The following CYLC1 variants were observed in gnomAD, a reference collection of about 807,000 sequenced individuals.
CYLC1 encodes the protein cylicin-1.
In CYLC1, 2 loss-of-function variants were observed where a neutral mutation model predicts 31.6. The observed-to-expected ratio is 0.06, with a 90% CI of 0.03 to 0.20. CYLC1 has a LOEUF of 0.20. Ranked by LOEUF, CYLC1 falls within the 10% of genes least tolerant of loss-of-function variation. The probability of loss-of-function intolerance (pLI) is 1.00; values close to 1 mark genes in which losing one functional copy is unlikely to be tolerated. For missense variants in CYLC1, 595 were observed against 424.1 expected (o/e 1.40, Z -3.54); for synonymous variants, 185 against 153.0 (o/e 1.21, Z -1.54).
At chrX:83,865,433 A>T (rs1015031656) in intron 1 of CYLC1, among the ~76,000 whole-genome samples, 2 of 111,636 alleles carry the variant, frequency 1.8e-5, no homozygotes, top group Non-Finnish European at 3.8e-5. Context: ...AACCATTTTG[A>T]TCTCTTATTT....
At chrX:83,871,645 T>G in intron 3 of CYLC1, 75 bp downstream of exon 3, 13 of 947,594 alleles carry the variant, frequency 1.4e-5, no homozygotes, top group Non-Finnish European at 1.9e-5. Flanking sequence ...GTAAGGCCTA[T>G]ATAACTTGAA....
intron 4 of CYLC1, among the ~76,000 whole-genome samples, chrX:83,877,758 A>G (rs2031792099): frequency 9.8e-6 from 1 of 102,278 alleles, no homozygotes; most frequent in South Asian, 4.2e-4. Flanking sequence ...TGCATCATAC[A>G]TTATTTGGCT....
chrX:83,880,700 A>T (rs1323616815), intron 4 of CYLC1, among the ~76,000 whole-genome samples: 1 of 111,638 alleles, frequency 9.0e-6, no homozygotes, highest in East Asian at 2.8e-4. Flanking sequence ...TGAAACATGT[A>T]AGATGTTTAG....
At chrX:83,875,105 T>A (rs999867682) in intron 4 of CYLC1, among the ~76,000 whole-genome samples, 17 of 111,333 alleles carry the variant, frequency 1.5e-4, no homozygotes, top group Non-Finnish European at 3.2e-4. Context: ...TGCAAAAAAA[T>A]TAAATTATTT....
intron 4 of CYLC1, among the ~76,000 whole-genome samples, chrX:83,882,440 T>C (rs771775475): frequency 5.4e-5 from 6 of 111,167 alleles, no homozygotes; most frequent in Non-Finnish European, 1.1e-4. Context: ...AAAAGTGCTC[T>C]TTTAATAGTT....
At chrX:83,880,709 A>G (rs746983875) in intron 4 of CYLC1, among the ~76,000 whole-genome samples, 1 of 111,755 alleles carries the variant, frequency 8.9e-6, no homozygotes, top group East Asian at 2.8e-4. Context: ...TAAGATGTTT[A>G]GTATATTATC....
Position 83,874,250 on chromosome X carries a change from A to G in CYLC1, c.1542A>G (p.Arg514=), listed in dbSNP as rs2031725184. ...AGAAAGATATCAAGAAGGATGCAAG[A>G]AAGGACACAGAGTCTACTGATGCTG... ...GSKKDIKKDA[R]KDTESTDAEF... The change falls in exon 4 of 5, where the codon AGA becomes AGG. Residue 514 remains arginine, a synonymous_variant. Transcript: ENST00000329312. The G allele has an allele frequency of 9.1e-6, 11 of 1,208,005 alleles. No individual in the cohort carries two copies. The highest frequency in any genetic ancestry group is 1.2e-5 in the Non-Finnish European group (11 of 893,322).
At chrX:83,881,673 C>T (rs1602310466) in intron 4 of CYLC1, among the ~76,000 whole-genome samples, 1 of 108,282 alleles carries the variant, frequency 9.2e-6, no homozygotes, top group Admixed American at 1.0e-4. Context: ...GATCTTTGTA[C>T]AATATATAAT....
intron 1 of CYLC1, among the ~76,000 whole-genome samples, chrX:83,863,956 G>A (rs770165564): frequency 5.4e-5 from 6 of 111,724 alleles, no homozygotes; most frequent in African/African-American, 1.6e-4. Context: ...ACTCTGTTCC[G>A]TGCCTCTCTC....
chrX:83,870,867 T>A (rs905440981), intron 2 of CYLC1, among the ~76,000 whole-genome samples: 22 of 111,017 alleles, frequency 2.0e-4, no homozygotes, highest in African/African-American at 6.8e-4. Context: ...AGTATGTATA[T>A]GGCCTTCTTT....
At chrX:83,866,785 T>C (rs1290813044) in intron 1 of CYLC1, among the ~76,000 whole-genome samples, 1 of 111,531 alleles carries the variant, frequency 9.0e-6, no homozygotes, top group South Asian at 3.7e-4. Context: ...GCATTCTCTC[T>C]GGAGAACACT....
At chrX:83,864,146 C>A (rs1204010555) in intron 1 of CYLC1, among the ~76,000 whole-genome samples, 1 of 111,538 alleles carries the variant, frequency 9.0e-6, no homozygotes, top group Non-Finnish European at 1.9e-5. Context: ...CAACTTAATT[C>A]AGTATGATCT....
intron 4 of CYLC1, among the ~76,000 whole-genome samples, chrX:83,877,941 T>C (rs1453865265): frequency 5.1e-5 from 4 of 78,425 alleles, no homozygotes; most frequent in South Asian, 6.0e-4. Context: ...TAAATATATA[T>C]ATTTGTATAT....
chrX:83,869,789 A>T, intron 1 of CYLC1, 76 bp from the exon 2 acceptor site: 1 of 508,671 alleles, frequency 2.0e-6, no homozygotes, highest in Admixed American at 6.3e-5. Flanking sequence ...TAAAGGATAG[A>T]TTACATAAAA....
At chrX:83,872,832 A>G in intron 3 of CYLC1, 54 bp from the exon 4 acceptor site, 1 of 891,717 alleles carries the variant, frequency 1.1e-6, no homozygotes, top group Non-Finnish European at 1.5e-6. Flanking sequence ...ATGTTTCAAT[A>G]TAGAAAGATA....
intron 1 of CYLC1, among the ~76,000 whole-genome samples, chrX:83,865,119 G>A (rs938309173): frequency 9.0e-6 from 1 of 111,256 alleles, no homozygotes; most frequent in African/African-American, 3.3e-5. Flanking sequence ...CCACTTTGAT[G>A]TGTAATAGAT....
intron 3 of CYLC1, among the ~76,000 whole-genome samples, chrX:83,872,546 A>T (rs1054675332): frequency 9.1e-6 from 1 of 110,355 alleles, no homozygotes; most frequent in African/African-American, 3.3e-5. Context: ...GATTCTCCCC[A>T]TATAGAAGTC....
Position 83,873,726 on chromosome X carries a change from T to G in CYLC1, c.1018T>G (p.Ser340Ala). 1 of 1,188,610 alleles carries G rather than the reference T, an allele frequency of 8.4e-7. No individual in the cohort carries two copies. Among genetic ancestry groups the G allele is most frequent in the South Asian group, 1.8e-5 (1 of 54,570 alleles). ...GTCTACTGATGCTGAATCTGGAGAC[T>G]CAAAGGATGAAAGGAAAGATACAAA... ...TESTDAESGD[S>A]KDERKDTKKD... Residue 340 changes from serine (S) to alanine (A), a missense_variant, in exon 4 of 5, where the codon TCA becomes GCA. Ser to Ala is a moderately conservative substitution (Grantham distance 99). Transcript: ENST00000329312.
chrX:83,872,748 C>CACAG (rs2031687483), intron 3 of CYLC1, 138 bp from the exon 4 acceptor site: 1 of 458,847 alleles, frequency 2.2e-6, no homozygotes, highest in South Asian at 5.4e-5. Flanking sequence ...CACACACACA[C>CACAG]ACACACAGAC....
Sources: gnomAD v4.1 joint callset for allele counts (sites outside exome capture counted in the v4.1 genomes callset) on GRCh38, gnomAD v4.1.1 for gene constraint, MANE v1.5 for transcripts, NCBI Gene and HGNC (gene_info 2026-07-23, HGNC 2026-07-21) for gene names.